FAT2: variants seen among roughly 807,000 people sequenced by gnomAD.
The protein encoded by FAT2 is protocadherin Fat 2.
In FAT2, 150 loss-of-function variants were observed where a neutral mutation model predicts 295.3. That is an observed-to-expected ratio of 0.51 (90% CI 0.44 to 0.58). The LOEUF (loss-of-function observed/expected upper bound fraction) is 0.58. Among genes scored for constraint, FAT2 ranks in the 20% least tolerant of loss-of-function variants. FAT2 has a pLI of 0.00. For missense variants in FAT2, 4,868 were observed against 5,442.7 expected, an observed-to-expected ratio of 0.89 and a Z score of 3.32; for synonymous variants, 2,026 against 2,150.3, an observed-to-expected ratio of 0.94 and a Z score of 1.60.
intron 4 of FAT2, among the ~76,000 whole-genome samples, chr5:151,555,375 T>C (rs4099190): frequency 6.8e-6 from 1 of 146,894 alleles, no homozygotes; most frequent in Non-Finnish European, 1.5e-5. Flanking sequence ...TTCTTTTTTT[T>C]TTTTTTTTTT....
intron 3 of FAT2, among the ~76,000 whole-genome samples, chr5:151,562,719 T>C (rs575914905): frequency 5.9e-5 from 9 of 152,362 alleles, no homozygotes; most frequent in African/African-American, 1.9e-4. Context: ...TGTTTAAAGC[T>C]TAAGCAAATC....
intron 23 of FAT2, 121 bp downstream of exon 23, chr5:151,507,033 C>T (rs1760939820): frequency 2.4e-6 from 2 of 820,558 alleles, no homozygotes; most frequent in Admixed American, 2.7e-5. Context: ...CTCATCATGT[C>T]CCATCCCAAA....
At position 151,540,554 on chromosome 5, in the gene FAT2, G is replaced by A. The variant is rs201181566; in HGVS notation, c.9039+13C>T. Reference sequence around the variant, plus strand: ...GCCTTCACTACCCACTCCACCCCTCGCCAGGCTCTCACCTGTGAACACTGT... The same window carrying A: ...GCCTTCACTACCCACTCCACCCCTCACCAGGCTCTCACCTGTGAACACTGT... On this transcript the variant is annotated intron_variant, in intron 11 of 23. Coordinates refer to ENST00000261800, the MANE Select transcript of FAT2 (RefSeq NM_001447.3). 233 of 1,593,888 alleles carry A rather than the reference G, an allele frequency of 1.5e-4. 2 individuals are homozygous for A. Among genetic ancestry groups the A allele is most frequent in the East Asian group, 4.0e-4 (18 of 44,460 alleles).
chr5:151,553,959 A>G (rs899137326), intron 5 of FAT2, among the ~76,000 whole-genome samples: 2 of 152,236 alleles, frequency 1.3e-5, no homozygotes, highest in African/African-American at 4.8e-5. Context: ...CCCATGCGCT[A>G]GCTACCTGAT....
intron 19 of FAT2, among the ~76,000 whole-genome samples, chr5:151,519,392 C>T (rs1397468590): frequency 1.3e-5 from 2 of 152,102 alleles, no homozygotes; most frequent in Non-Finnish European, 2.9e-5. Context: ...CTGACACTGG[C>T]AATTCCATTG....
intron 18 of FAT2, among the ~76,000 whole-genome samples, chr5:151,523,571 C>T (rs1255208350): frequency 3.3e-5 from 5 of 152,136 alleles, no homozygotes; most frequent in East Asian, 1.9e-4. Flanking sequence ...AGTGGAAGTA[C>T]GGGACCAATG....
chr5:151,529,039 C>G, intron 15 of FAT2, 139 bp downstream of exon 15: 1 of 699,274 alleles, frequency 1.4e-6, no homozygotes, highest in Non-Finnish European at 2.4e-6. Flanking sequence ...TCACATAAAC[C>G]TCTGACAAGT....
rs1757117571 is a variant in FAT2, at chr5:151,550,711, T to A, written c.4457A>T (p.His1486Leu). 1.9e-6 allele frequency: 3 copies of A among 1,614,016 alleles called. No homozygotes were observed. In the Admixed American group the frequency reaches 5.0e-5, roughly 27 times the overall value. The change falls in exon 8 of 24, where the codon CAT (histidine) becomes CTT (leucine). Residue 1486 changes from histidine (H) to leucine (L), a missense_variant. Physicochemically the swap from His to Leu is moderately conservative, Grantham distance 99. Coordinates refer to ENST00000261800, the MANE Select transcript of FAT2 (RefSeq NM_001447.3). ...GGCACTTCCTGGGTCTTGGCTGCCA[T>A]GTATGGTATAGATGAGGCTTTTGCC... ...DKGKSLIYTI[H>L]GSQDPGSASL...
intron 8 of FAT2, among the ~76,000 whole-genome samples, chr5:151,550,196 C>T (rs1267504307): frequency 2.0e-5 from 3 of 152,172 alleles, no homozygotes; most frequent in African/African-American, 7.2e-5. Flanking sequence ...AGAGTGAGCC[C>T]TCCTTACATT....
intron 11 of FAT2, among the ~76,000 whole-genome samples, chr5:151,538,792 T>G (rs1046037149): frequency 6.6e-6 from 1 of 151,868 alleles, no homozygotes; most frequent in Non-Finnish European, 1.5e-5. Flanking sequence ...ATCTCCTGCC[T>G]CAGCCTCCTA....
intron 12 of FAT2, among the ~76,000 whole-genome samples, chr5:151,536,936 T>C (rs961475682): frequency 3.9e-5 from 6 of 152,166 alleles, no homozygotes; most frequent in African/African-American, 1.4e-4. Context: ...AGGTCCTCAG[T>C]GTGTGTACTA....
rs3734061 is a variant in FAT2, at chr5:151,568,190, G to T, written c.742C>A (p.Pro248Thr). Residue 248 changes from proline to threonine, a missense_variant, in exon 2 of 24, where the codon CCT (proline) becomes ACT (threonine). Pro to Thr is a conservative substitution (Grantham distance 38). Around this residue, in one of 5 missense-constraint regions of FAT2, gnomAD observed 3,297 missense variants for 3,669.4 expected, o/e 0.90. Coordinates refer to ENST00000261800, the MANE Select transcript of FAT2 (RefSeq NM_001447.3). Reference sequence around the variant, plus strand: ...ATGGCTGGGGGCTTCCTGAGGGCAGGCTCCACATGAACCACAAGTGCAGCC... The same window carrying T: ...ATGGCTGGGGGCTTCCTGAGGGCAGTCTCCACATGAACCACAAGTGCAGCC... ...SLAALVVHVE[P>T]ALRKPPAIAS... 1.9e-6 allele frequency: 3 copies of T among 1,613,950 alleles called. No individual in the cohort carries two copies. Among genetic ancestry groups the T allele is most frequent in the East Asian group, 4.5e-5 (2 of 44,882 alleles).
At position 151,512,837 on chromosome 5, in the gene FAT2, C is replaced by A. The variant is rs1581278093; in HGVS notation, c.11464-231G>T. On this transcript the variant is annotated intron_variant, in intron 20 of 23. Transcript: ENST00000261800. This position sits in a 1 kb window ranked among gnomAD's most constrained non-coding sequence, Gnocchi z 4.1. ...GGATGGTCTGGGTAGGGGGTGACAT[C>A]TCCATTCACAGATGAGGAAACTGAG... 1.8e-6 allele frequency: 1 copy of A among 558,204 alleles called. No individual in the cohort carries two copies. The highest frequency in any genetic ancestry group is 3.0e-5 in the East Asian group (1 of 33,620). 34.6% of individuals were successfully genotyped at this position (558,204 alleles called of 1,614,324 possible). A position where few individuals can be genotyped will look rare whatever the true frequency, so the allele number is the denominator to read the frequency against.
At chr5:151,570,197 G>A (rs577236610) in intron 1 of FAT2, among the ~76,000 whole-genome samples, 17 of 152,196 alleles carry the variant, frequency 1.1e-4, no homozygotes, top group Non-Finnish European at 2.4e-4. Context: ...GACCAGGGTT[G>A]CCTCCTTGCC....
chr5:151,580,158 C>T (rs1157517388), intron 1 of FAT2, among the ~76,000 whole-genome samples: 1 of 152,240 alleles, frequency 6.6e-6, no homozygotes, highest in Non-Finnish European at 1.5e-5. Flanking sequence ...CATTTTGGCA[C>T]TGGCCATGCT....
intron 15 of FAT2, 133 bp from the exon 16 acceptor site, chr5:151,528,266 C>T: frequency 1.0e-6 from 1 of 966,856 alleles, no homozygotes; most frequent in African/African-American, 1.6e-5. Flanking sequence ...GTTGTCCCTG[C>T]CAAAGTAATC....
intron 8 of FAT2, among the ~76,000 whole-genome samples, 191 bp downstream of exon 8, chr5:151,550,399 C>T (rs1377688571): frequency 1.3e-5 from 2 of 152,124 alleles, no homozygotes; most frequent in Non-Finnish European, 2.9e-5. Flanking sequence ...CCTTGGCAGC[C>T]GTCCCATCTC....
Position 151,566,520 on chromosome 5 carries a change from C to G in FAT2, c.2412G>C (p.Lys804Asn), listed in dbSNP as rs536548504. The change falls in exon 2 of 24, where the codon AAG becomes AAC. Residue 804 changes from lysine to asparagine, a missense_variant. Transcript: ENST00000261800. ...DLGTPQKSSW[K>N]LLTVNVKDWN... ...AGTCTTTCACATTCACTGTCAGCAG[C>G]TTCCAGGAGGACTTCTGGGGTGTGC... 7.4e-6 allele frequency: 12 copies of G among 1,614,036 alleles called. No homozygotes were observed. In the African/African-American group the frequency reaches 1.3e-4, roughly 18 times the overall value.
At chr5:151,592,650 T>C (rs1407660574), upstream of FAT2, among the ~76,000 whole-genome samples, 3 of 152,238 alleles carry the variant, frequency 2.0e-5, no homozygotes, top group Admixed American at 2.0e-4. Context: ...TTATTAGCTA[T>C]GTATCCCAAG....
Sources: allele counts gnomAD v4.1 joint callset (sites outside exome capture counted in the v4.1 genomes callset), GRCh38; gene constraint gnomAD v4.1.1; regional missense constraint gnomAD v4.1.1; non-coding constraint Gnocchi (gnomAD v3.1); transcripts MANE v1.5; gene names NCBI Gene and HGNC (gene_info 2026-07-23, HGNC 2026-07-21).